Variants in MLLT3 observed in about 807,000 individuals in gnomAD.
MLLT3 encodes the protein MLLT3 super elongation complex subunit, also known as protein AF-9.
A neutral mutation model predicts 53.2 loss-of-function variants in MLLT3; 4 were observed. The observed-to-expected ratio is 0.08, with a 90% confidence interval of 0.04 to 0.17. MLLT3 has a LOEUF of 0.17. MLLT3 is among the 10% of genes least tolerant of loss of function. The pLI is 1.00. For missense variants in MLLT3, 569 were observed against 684.0 expected (o/e 0.83, Z 1.87); for synonymous variants, 283 against 230.6 (o/e 1.23, Z -2.06).
Position 20,573,939 on chromosome 9 carries a change from G to A in MLLT3, c.193+46715C>T, listed in dbSNP as rs115538592. Among the ~76,000 whole-genome samples the A allele has an allele frequency of 7.6e-3, 1,160 of 152,246 alleles. 14 individuals carry two copies. The highest frequency in any genetic ancestry group is 0.027 in the African/African-American group (1,103 of 41,542). ...AATTCTGTTGCATTTTTGCTGTTTG[G>A]TTTCATTTTTTGGGTTTGAGAAAGT... On this transcript the variant is annotated intron_variant, in intron 2 of 10. Coordinates refer to ENST00000380338, the MANE Select transcript of MLLT3 (RefSeq NM_004529.4).
intron 5 of MLLT3, among the ~76,000 whole-genome samples, chr9:20,391,784 CA>C (rs1426692935): frequency 6.6e-6 from 1 of 152,014 alleles, no homozygotes; most frequent in African/African-American, 2.4e-5. Flanking sequence ...GTACTTCTCT[CA>C]AGCTTAAGTT....
chr9:20,579,873 GTT>G (rs1819747732), intron 2 of MLLT3, among the ~76,000 whole-genome samples: 1 of 152,276 alleles, frequency 6.6e-6, no homozygotes, highest in South Asian at 2.1e-4. Flanking sequence ...GAAACCTTTT[GTT>G]TTCTCTAGGG....
chr9:20,567,609 T>A (rs1587078661), intron 2 of MLLT3, among the ~76,000 whole-genome samples: 1 of 152,170 alleles, frequency 6.6e-6, no homozygotes, highest in East Asian at 1.9e-4. Flanking sequence ...ACTGCAAGAT[T>A]TGGCACAAGA....
intron 4 of MLLT3, among the ~76,000 whole-genome samples, chr9:20,441,905 C>T (rs1202105855): frequency 6.6e-6 from 1 of 152,084 alleles, no homozygotes; most frequent in Non-Finnish European, 1.5e-5. Flanking sequence ...AAAGTCTTGA[C>T]AAATCAGTTC....
chr9:20,442,225 A>C (rs1823572959), intron 4 of MLLT3, among the ~76,000 whole-genome samples: 1 of 152,174 alleles, frequency 6.6e-6, no homozygotes, highest in South Asian at 2.1e-4. Context: ...TAGTTTAATA[A>C]ATCATCCTGT....
intron 2 of MLLT3, among the ~76,000 whole-genome samples, chr9:20,540,871 A>T (rs1226717709): frequency 6.6e-6 from 1 of 152,226 alleles, no homozygotes; most frequent in Non-Finnish European, 1.5e-5. Context: ...AAATTTTCCA[A>T]GTGTTTATGC....
chr9:20,574,406 T>C (rs935058064), intron 2 of MLLT3, among the ~76,000 whole-genome samples: 1 of 152,246 alleles, frequency 6.6e-6, no homozygotes, highest in Non-Finnish European at 1.5e-5. Flanking sequence ...ACCTATGAGA[T>C]ATTGCAAGTT....
intron 2 of MLLT3, among the ~76,000 whole-genome samples, chr9:20,503,893 A>C (rs188938323): frequency 3.3e-5 from 5 of 152,226 alleles, no homozygotes; most frequent in Non-Finnish European, 4.4e-5. Flanking sequence ...TGGGTGAAGG[A>C]CTTGAAAAGA....
At position 20,618,332 on chromosome 9, in the gene MLLT3, A is replaced by G. The variant is rs1820890064; in HGVS notation, c.193+2322T>C. 2.0e-5 allele frequency among the ~76,000 whole-genome samples: 3 copies of G among 152,330 alleles called. No individual in the cohort carries two copies. In the South Asian group the frequency reaches 6.2e-4, roughly 32 times the overall value. On this transcript the variant is annotated intron_variant, in intron 2 of 10. Coordinates refer to ENST00000380338, the MANE Select transcript of MLLT3 (RefSeq NM_004529.4). ...ATATTTATTCTTATCATTTTGAAAG[A>G]CTTTATAAGCCAAAAAATAAGTCCC...
chr9:20,345,050 C>T lies in MLLT3; in HGVS notation c.*1393G>A. ...TATGGAGAAGATGGAATAATGACAC[C>T]AAAAGTACTTTGGTTTTTTTCTTTT... On this transcript the variant is annotated 3_prime_UTR_variant, in exon 11 of 11. Transcript: ENST00000380338. 1 of 216,728 alleles carries T rather than the reference C, an allele frequency of 4.6e-6. No individual in the cohort carries two copies. The highest frequency in any genetic ancestry group is 6.8e-5 in the East Asian group (1 of 14,620). 13.4% of individuals were successfully genotyped at this position (216,728 alleles called of 1,614,324 possible).
At chr9:20,604,043 C>G (rs1391955683) in intron 2 of MLLT3, among the ~76,000 whole-genome samples, 62 of 152,064 alleles carry the variant, frequency 4.1e-4, no homozygotes, top group Non-Finnish European at 2.9e-5. Context: ...GATTGAATGG[C>G]TGAAGCCTCA....
chr9:20,567,802 TA>T (rs1819418779), intron 2 of MLLT3, among the ~76,000 whole-genome samples: 1 of 152,114 alleles, frequency 6.6e-6, no homozygotes, highest in African/African-American at 2.4e-5. Flanking sequence ...CTACATACAC[TA>T]ACACTTGGCT....
chr9:20,449,324 A>T (rs557336592), intron 3 of MLLT3, among the ~76,000 whole-genome samples: 4 of 152,260 alleles, frequency 2.6e-5, no homozygotes, highest in South Asian at 2.1e-4. Context: ...TAAGAATGGA[A>T]TTTTTCTGAA....
intron 2 of MLLT3, among the ~76,000 whole-genome samples, chr9:20,514,374 T>C (rs1408048361): frequency 6.6e-6 from 1 of 152,166 alleles, no homozygotes; most frequent in Non-Finnish European, 1.5e-5. Context: ...GACTGGGGTA[T>C]GGCTTTTTAA....
At chr9:20,559,695 CA>C (rs1489056425) in intron 2 of MLLT3, among the ~76,000 whole-genome samples, 3 of 152,128 alleles carry the variant, frequency 2.0e-5, no homozygotes, top group African/African-American at 7.2e-5. Flanking sequence ...CCACCTGAGT[CA>C]TGTAGGATAA....
At chr9:20,525,794 T>C (rs1391232464) in intron 2 of MLLT3, among the ~76,000 whole-genome samples, 1 of 152,212 alleles carries the variant, frequency 6.6e-6, no homozygotes, top group Non-Finnish European at 1.5e-5. Context: ...ATACCTTTCA[T>C]CAAACTATTA....
At chr9:20,573,227 C>G (rs1819577068) in intron 2 of MLLT3, among the ~76,000 whole-genome samples, 1 of 147,334 alleles carries the variant, frequency 6.8e-6, no homozygotes, top group Admixed American at 6.9e-5. Context: ...GTCACCCAGG[C>G]TGAGTGTAGT....
At chr9:20,403,573 T>C (rs956405177) in intron 5 of MLLT3, among the ~76,000 whole-genome samples, 1 of 152,188 alleles carries the variant, frequency 6.6e-6, no homozygotes, top group African/African-American at 2.4e-5. Context: ...TGATAGACAA[T>C]GACAGGAGGC....
chr9:20,365,786 G>A (rs779733126), intron 5 of MLLT3, 42 bp from the exon 6 acceptor site: 1 of 1,597,388 alleles, frequency 6.3e-7, no homozygotes, highest in Non-Finnish European at 8.6e-7. Context: ...AAATTTACGG[G>A]ATACCACACA....
Sources: allele counts gnomAD v4.1 joint callset (sites outside exome capture counted in the v4.1 genomes callset), GRCh38; gene constraint gnomAD v4.1.1; transcripts MANE v1.5; gene names NCBI Gene and HGNC (gene_info 2026-07-23, HGNC 2026-07-21).